SRFBP1: variants seen among roughly 807,000 people sequenced by gnomAD.
SRFBP1 encodes serum response factor-binding protein 1.
A neutral mutation model predicts 45.5 loss-of-function variants in SRFBP1; 47 were observed. That is an observed-to-expected ratio of 1.03 (90% CI 0.82 to 1.32). The LOEUF (loss-of-function observed/expected upper bound fraction) is 1.32, where lower values mean the gene tolerates loss of function less well. Ranked by LOEUF, SRFBP1 falls within the 40% of genes most tolerant of loss-of-function variation. The pLI is 0.00. For missense variants in SRFBP1, 621 were observed against 484.6 expected (o/e 1.28, Z -2.64); for synonymous variants, 203 against 166.3 (o/e 1.22, Z -1.70).
At chr5:122,049,887 G>A (rs1753937970) in intron 2 of SRFBP1, among the ~76,000 whole-genome samples, 1 of 152,160 alleles carries the variant, frequency 6.6e-6, no homozygotes, top group African/African-American at 2.4e-5. Flanking sequence ...TGTGTAGAGG[G>A]AAATTTATAG....
chr5:122,028,743 C>T (rs867907594), downstream of SRFBP1: 5 of 152,036 alleles, frequency 3.3e-5, no homozygotes, highest in East Asian at 1.9e-4. Context: ...TAATTTCAGA[C>T]TGACAAAAAA....
chr5:122,005,322 C>T (rs886536472), intron 4 of SRFBP1, among the ~76,000 whole-genome samples: 37 of 152,046 alleles, frequency 2.4e-4, no homozygotes, highest in African/African-American at 8.9e-4. Context: ...GTATTTGGGT[C>T]CTCTGATACT....
intron 2 of SRFBP1, among the ~76,000 whole-genome samples, chr5:122,036,763 C>T (rs1354288731): frequency 1.3e-5 from 2 of 152,154 alleles, no homozygotes; most frequent in Non-Finnish European, 2.9e-5. Context: ...CACCTGGAAG[C>T]TTGCCCCTGC....
At chr5:121,994,767 A>G (rs1250721745) in intron 4 of SRFBP1, 97 bp downstream of exon 4, 1 of 762,194 alleles carries the variant, frequency 1.3e-6, no homozygotes, top group Non-Finnish European at 2.0e-6. Flanking sequence ...AAGTCATGCT[A>G]TTAGTTTGTA....
intron 2 of SRFBP1, chr5:122,063,549 G>A (rs1460646902): frequency 6.6e-6 from 1 of 151,850 alleles, no homozygotes; most frequent in African/African-American, 2.4e-5. Context: ...AATGTTTAGT[G>A]TTTAAAAGTG....
At chr5:121,976,507 C>A (rs2112820510) in intron 3 of SRFBP1, among the ~76,000 whole-genome samples, 1 of 151,762 alleles carries the variant, frequency 6.6e-6, no homozygotes, top group South Asian at 2.1e-4. Context: ...GAAATAAAAT[C>A]TTTAGAGATT....
chr5:122,076,938 G>T (rs766870362), downstream of SRFBP1: 1 of 1,614,064 alleles, frequency 6.2e-7, no homozygotes, highest in South Asian at 1.1e-5. Flanking sequence ...GTTGTACATG[G>T]ACATCTTCTG....
At chr5:122,054,176 C>T (rs954630390) in intron 2 of SRFBP1, among the ~76,000 whole-genome samples, 8 of 152,164 alleles carry the variant, frequency 5.3e-5, no homozygotes, top group Non-Finnish European at 1.5e-5. Context: ...ACTGTTGCCC[C>T]CACAAAACAT....
At chr5:121,964,515 A>G (rs893195690) in intron 1 of SRFBP1, among the ~76,000 whole-genome samples, 2 of 152,186 alleles carry the variant, frequency 1.3e-5, no homozygotes, top group Non-Finnish European at 2.9e-5. Context: ...CCTGCAAAGG[A>G]CATGAACTCA....
At chr5:122,011,388 A>G (rs917650078) in intron 4 of SRFBP1, among the ~76,000 whole-genome samples, 2 of 152,120 alleles carry the variant, frequency 1.3e-5, no homozygotes, top group Non-Finnish European at 2.9e-5. Flanking sequence ...CATGGCAAAC[A>G]TTATGTCAAC....
intron 4 of SRFBP1, among the ~76,000 whole-genome samples, chr5:122,015,452 C>T (rs759861893): frequency 6.6e-6 from 1 of 152,176 alleles, no homozygotes; most frequent in Non-Finnish European, 1.5e-5. Context: ...AAGGATTCTA[C>T]TTGCATGTAA....
intron 2 of SRFBP1, among the ~76,000 whole-genome samples, chr5:122,061,905 C>A (rs1361405276): frequency 1.3e-5 from 2 of 151,872 alleles, no homozygotes; most frequent in African/African-American, 4.8e-5. Flanking sequence ...AATGCTGCCA[C>A]ATTTATTTTA....
At chr5:122,070,099 G>C in intron 2 of SRFBP1, 1 of 1,613,254 alleles carries the variant, frequency 6.2e-7, no homozygotes, top group Non-Finnish European at 8.5e-7. Flanking sequence ...CCTGTGTAGC[G>C]AATGTCACAG....
intron 2 of SRFBP1, among the ~76,000 whole-genome samples, chr5:122,048,552 G>A (rs1753906513): frequency 1.3e-5 from 2 of 152,118 alleles, no homozygotes; most frequent in Non-Finnish European, 2.9e-5. Context: ...GGATGATGCT[G>A]GCCTCATAAA....
rs370861938 is a variant in SRFBP1 at position 122,075,442 on chromosome 5, G to T, written n.439G>T. 12 of 1,613,514 alleles carry T rather than the reference G, an allele frequency of 7.4e-6. No individual in the cohort carries two copies. The highest frequency in any genetic ancestry group is 3.3e-5 in the Admixed American group (2 of 59,936). ...GCCATTCCCAGGAATATCTTGGTCG[G>T]CTGGGTAAGAAATCTGATGTCCCTT... On this transcript the variant is annotated non_coding_transcript_exon_variant, in exon 3 of 3. Coordinates refer to the SRFBP1 transcript ENST00000504881.
intron 3 of SRFBP1, among the ~76,000 whole-genome samples, chr5:121,988,743 G>T (rs764513651): frequency 6.6e-6 from 1 of 152,134 alleles, no homozygotes; most frequent in Non-Finnish European, 1.5e-5. Context: ...GTACCTTGTG[G>T]CCCACAGACT....
intron 2 of SRFBP1, among the ~76,000 whole-genome samples, chr5:122,037,536 A>G (rs973331012): frequency 6.6e-6 from 1 of 151,688 alleles, no homozygotes; most frequent in South Asian, 2.1e-4. Context: ...TTAGAGTCTT[A>G]CTCTGTCGCT....
At chr5:122,034,315 C>T (rs1753648483) in intron 2 of SRFBP1, among the ~76,000 whole-genome samples, 1 of 152,138 alleles carries the variant, frequency 6.6e-6, no homozygotes, top group African/African-American at 2.4e-5. Context: ...ATATTTATTA[C>T]ATTTAGTCTG....
intron 2 of SRFBP1, among the ~76,000 whole-genome samples, chr5:122,047,958 G>A (rs1753895784): frequency 6.6e-6 from 1 of 152,042 alleles, no homozygotes; most frequent in South Asian, 2.1e-4. Flanking sequence ...GAGATGATGG[G>A]GTTTTCTAGG....
Sources: gnomAD v4.1 joint callset for allele counts (sites outside exome capture counted in the v4.1 genomes callset) on GRCh38, gnomAD v4.1.1 for gene constraint, MANE v1.5 for transcripts, NCBI Gene and HGNC (gene_info 2026-07-23, HGNC 2026-07-21) for gene names.